The following GRIP1 variants were observed in gnomAD, a reference collection of about 807,000 sequenced individuals.
GRIP1 encodes glutamate receptor interacting protein 1, also known as glutamate receptor-interacting protein 1.
In GRIP1, 45 loss-of-function variants were observed where a neutral mutation model predicts 129.9. That is an observed-to-expected ratio of 0.35 (90% CI 0.27 to 0.44). The LOEUF is 0.44. Among genes scored for constraint, GRIP1 ranks in the 20% least tolerant of loss-of-function variants. GRIP1 has a pLI of 1.00. For synonymous variants in GRIP1, 530 were observed against 520.8 expected (o/e 1.02, Z -0.24); for missense variants, 1,196 against 1,396.8 (o/e 0.86, Z 2.29).
chr12:66,871,495 C>T (rs1217944958), intron 1 of GRIP1, among the ~76,000 whole-genome samples: 5 of 152,076 alleles, frequency 3.3e-5, no homozygotes, highest in Non-Finnish European at 7.4e-5. Context: ...CAGGATATTA[C>T]CTACCTTATA....
At chr12:66,856,168 T>C (rs1421820099) in intron 1 of GRIP1, among the ~76,000 whole-genome samples, 1 of 152,096 alleles carries the variant, frequency 6.6e-6, no homozygotes, top group Non-Finnish European at 1.5e-5. Context: ...TGGCTAGCCA[T>C]ATGTAGAAAG....
intron 1 of GRIP1, among the ~76,000 whole-genome samples, chr12:66,859,020 T>C (rs2040054352): frequency 6.6e-6 from 1 of 151,948 alleles, no homozygotes; most frequent in Non-Finnish European, 1.5e-5. Flanking sequence ...TTAGTTTTCC[T>C]ATTACATAAT....
chr12:66,908,504 G>A lies in GRIP1; in HGVS notation c.58+160546C>T, dbSNP rs187457840. Among the ~76,000 whole-genome samples the A allele has an allele frequency of 2.4e-4, 37 of 152,224 alleles. No individual in the cohort carries two copies. In the South Asian group the frequency reaches 5.8e-3, roughly 24 times the overall value. On this transcript the variant is annotated intron_variant, in intron 1 of 1. Coordinates refer to the GRIP1 transcript ENST00000643019. ...TGTCATGGGTGACCTTTGTTAGAAC[G>A]GTTTCAGAATGGTAATGGGGTAGAC...
intron 7 of GRIP1, among the ~76,000 whole-genome samples, chr12:66,478,199 CA>C: frequency 6.6e-6 from 1 of 152,274 alleles, no homozygotes; most frequent in South Asian, 2.1e-4. Flanking sequence ...CAAACAACCC[CA>C]TCAAAAAGTG....
intron 5 of GRIP1, among the ~76,000 whole-genome samples, chr12:66,523,081 T>G: frequency 6.6e-6 from 1 of 151,634 alleles, no homozygotes; most frequent in Non-Finnish European, 1.5e-5. Context: ...ATGGGGAGAA[T>G]GGAATCAAGT....
At chr12:66,939,226 C>T (rs1158958764) in intron 1 of GRIP1, among the ~76,000 whole-genome samples, 5 of 152,108 alleles carry the variant, frequency 3.3e-5, no homozygotes, top group Admixed American at 3.3e-4. Context: ...TGGCTCATGC[C>T]TGTAATCCTG....
At chr12:67,032,302 C>G (rs1012413860) in intron 1 of GRIP1, among the ~76,000 whole-genome samples, 2 of 152,076 alleles carry the variant, frequency 1.3e-5, no homozygotes, top group Non-Finnish European at 2.9e-5. Flanking sequence ...TCATCTTGTT[C>G]CAGAAAGGAT....
At chr12:66,832,948 T>G (rs980752056) in intron 1 of GRIP1, among the ~76,000 whole-genome samples, 1 of 152,174 alleles carries the variant, frequency 6.6e-6, no homozygotes, top group Non-Finnish European at 1.5e-5. Context: ...CTGAGTTCTT[T>G]TCAGCCCCTG....
At chr12:66,460,145 G>C (rs1592363080) in intron 9 of GRIP1, among the ~76,000 whole-genome samples, 1 of 152,180 alleles carries the variant, frequency 6.6e-6, no homozygotes. Context: ...AGTCAGAGGT[G>C]AAGCTCTGGA....
At chr12:67,002,631 T>C (rs752763810) in intron 1 of GRIP1, among the ~76,000 whole-genome samples, 7 of 152,238 alleles carry the variant, frequency 4.6e-5, no homozygotes, top group Non-Finnish European at 1.0e-4. Context: ...ATATGATTAA[T>C]TGGGTTCATG....
At chr12:66,524,301 A>T (rs1592482709) in intron 5 of GRIP1, among the ~76,000 whole-genome samples, 1 of 152,356 alleles carries the variant, frequency 6.6e-6, no homozygotes, top group East Asian at 1.9e-4. Flanking sequence ...CAGCAAATGT[A>T]AAAGAACACA....
At chr12:66,849,923 G>T (rs562405714) in intron 1 of GRIP1, among the ~76,000 whole-genome samples, 6 of 152,144 alleles carry the variant, frequency 3.9e-5, no homozygotes, top group Non-Finnish European at 7.4e-5. Context: ...GGCTCTGTCG[G>T]TCTGCAGCTG....
chr12:66,513,134 C>G (rs2060747673), intron 7 of GRIP1, among the ~76,000 whole-genome samples: 1 of 152,046 alleles, frequency 6.6e-6, no homozygotes, highest in Admixed American at 6.6e-5. Flanking sequence ...CCTCTGGTTC[C>G]ATATGGACAG....
chr12:66,726,766 G>T (rs1301833770), intron 1 of GRIP1, among the ~76,000 whole-genome samples: 1 of 152,188 alleles, frequency 6.6e-6, no homozygotes, highest in Non-Finnish European at 1.5e-5. Flanking sequence ...GCATCGCTGA[G>T]CTGGAAGAAT....
At chr12:66,713,891 T>C (rs1294488510) in intron 1 of GRIP1, among the ~76,000 whole-genome samples, 1 of 151,984 alleles carries the variant, frequency 6.6e-6, no homozygotes, top group African/African-American at 2.4e-5. Context: ...ATTTACTAAA[T>C]TATAAATGGA....
intron 4 of GRIP1, among the ~76,000 whole-genome samples, chr12:66,536,638 T>A (rs1156730905): frequency 6.6e-6 from 1 of 152,204 alleles, no homozygotes; most frequent in Admixed American, 6.5e-5. Context: ...TGCAATTGTA[T>A]TCCCACCCTG....
At chr12:66,693,149 C>G (rs866324355) in intron 1 of GRIP1, among the ~76,000 whole-genome samples, 1 of 150,884 alleles carries the variant, frequency 6.6e-6, no homozygotes, top group Non-Finnish European at 1.5e-5. Context: ...CCCAAGAGAG[C>G]CAGGTCATGA....
intron 7 of GRIP1, among the ~76,000 whole-genome samples, chr12:66,472,176 C>A (rs1164499912): frequency 2.0e-5 from 3 of 152,212 alleles, no homozygotes. Context: ...CTCATAGTCC[C>A]ATGGAAGTGG....
At chr12:66,831,574 C>T (rs951150040) in intron 1 of GRIP1, among the ~76,000 whole-genome samples, 16 of 152,088 alleles carry the variant, frequency 1.1e-4, no homozygotes, top group African/African-American at 2.7e-4. Context: ...ACTTCAAAGC[C>T]GGTATTTCAT....
Sources: gnomAD v4.1 joint callset for allele counts (sites outside exome capture counted in the v4.1 genomes callset) on GRCh38, gnomAD v4.1.1 for gene constraint, MANE v1.5 for transcripts, NCBI Gene and HGNC (gene_info 2026-07-23, HGNC 2026-07-21) for gene names.